Variants in NCKAP5 observed in about 807,000 individuals in gnomAD.
The protein encoded by NCKAP5 is NCK associated protein 5, also known as nck-associated protein 5.
Under a neutral mutation model 167.0 loss-of-function variants are expected in NCKAP5, and 92 were observed. The observed-to-expected ratio is 0.55, with a 90% confidence interval of 0.47 to 0.66. The LOEUF (loss-of-function observed/expected upper bound fraction) is 0.66, where lower values mean the gene tolerates loss of function less well. Ranked by LOEUF, NCKAP5 falls within the 30% of genes least tolerant of loss-of-function variation. The pLI is 0.00. For missense variants in NCKAP5, 2,378 were observed against 2,315.0 expected (o/e 1.03, Z -0.56); for synonymous variants, 891 against 877.4 (o/e 1.02, Z -0.27).
chr2:132,964,385 C>T (rs938699963), intron 7 of NCKAP5, among the ~76,000 whole-genome samples: 1 of 152,208 alleles, frequency 6.6e-6, no homozygotes, highest in African/African-American at 2.4e-5. Context: ...AATAATGACA[C>T]AACTTTTAAG....
At position 133,317,078 on chromosome 2, in the gene NCKAP5, G is replaced by A. The variant is rs75363115; in HGVS notation, c.70-13968C>T. On this transcript the variant is annotated intron_variant, in intron 3 of 19. Transcript: ENST00000409261. The stretch of plus-strand genomic sequence containing the variant: ...GGCCTCAGGAAATAAAGGATGGAGC[G>A]CCTGAAGAGACCTTCTCAGACCTAG... Among the ~76,000 whole-genome samples, 1,291 of 152,236 alleles carry A rather than the reference G, an allele frequency of 8.5e-3. 19 individuals are homozygous for A. The highest frequency in any genetic ancestry group is 0.048 in the East Asian group (248 of 5,164).
chr2:133,341,069 T>C (rs1253340503), intron 3 of NCKAP5, among the ~76,000 whole-genome samples: 1 of 152,184 alleles, frequency 6.6e-6, no homozygotes, highest in Non-Finnish European at 1.5e-5. Flanking sequence ...TCAATTCCAT[T>C]AATTCTATTT....
At chr2:132,743,718 T>C (rs1160830809) in intron 16 of NCKAP5, among the ~76,000 whole-genome samples, 2 of 151,594 alleles carry the variant, frequency 1.3e-5, no homozygotes, top group East Asian at 3.9e-4. Context: ...GTCTAAACAC[T>C]CCAATGAATA....
intron 19 of NCKAP5, among the ~76,000 whole-genome samples, chr2:132,708,743 T>C (rs1688583873): frequency 6.6e-6 from 1 of 152,228 alleles, no homozygotes. Context: ...AATGCCTTCT[T>C]ACGTCTTTCC....
chr2:133,637,699 T>C, the NCKAP5 span, among the ~76,000 whole-genome samples: 326 of 152,140 alleles, frequency 2.1e-3, 3 homozygotes, highest in African/African-American at 7.6e-3. Context: ...TCATAAAATG[T>C]AGCAAATAGA....
At chr2:133,535,933 C>T (rs765877918) in intron 2 of NCKAP5, among the ~76,000 whole-genome samples, 11 of 152,046 alleles carry the variant, frequency 7.2e-5, no homozygotes, top group African/African-American at 1.9e-4. Context: ...GTCACTTGTA[C>T]GTCTTCTTTT....
Position 133,450,768 on chromosome 2 carries a change from C to T in NCKAP5, c.69+66690G>A, listed in dbSNP as rs1691501502. Among the ~76,000 whole-genome samples, 3 of 152,148 alleles carry T rather than the reference C, an allele frequency of 2.0e-5. No individual in the cohort carries two copies. The South Asian group carries it at 6.2e-4, about 32-fold the overall frequency. The stretch of plus-strand genomic sequence containing the variant: ...TATGCCACAAAAACCTTCTGGTTGA[C>T]ATCAATCTTCCTTTGGGGACAATAA... On this transcript the variant is annotated intron_variant, in intron 3 of 19. Transcript: ENST00000409261.
intron 3 of NCKAP5, among the ~76,000 whole-genome samples, chr2:133,435,363 C>A (rs547587103): frequency 1.9e-4 from 29 of 152,268 alleles, no homozygotes; most frequent in African/African-American, 3.4e-4. Context: ...ATATCACTCA[C>A]CACTGAAATG....
Position 132,731,771 on chromosome 2 carries a change from A to G in NCKAP5, c.5409T>C (p.Pro1803=), listed in dbSNP as rs887997705. ...CTGGTTTGGGGAGGCGGCTCTGAAG[A>G]GGCCTCATCCCTCTGGCGGTCATGA... ...DPIMTARGMR[P]LQSRLPKPAS... is the part of the protein sequence containing the mutation. Residue 1803 remains proline (P), a synonymous_variant, in exon 17 of 20, where the codon CCT becomes CCC. Transcript: ENST00000409261. The G allele has an allele frequency of 1.2e-6, 2 of 1,608,490 alleles. No homozygotes were observed. The highest frequency in any genetic ancestry group is 2.2e-5 in the South Asian group (2 of 90,840).
At chr2:132,824,393 G>A (rs1002228381) in intron 11 of NCKAP5, among the ~76,000 whole-genome samples, 3 of 152,176 alleles carry the variant, frequency 2.0e-5, no homozygotes, top group African/African-American at 4.8e-5. Flanking sequence ...AAGAGGGGAT[G>A]AAGAACATCT....
intron 3 of NCKAP5, among the ~76,000 whole-genome samples, chr2:133,508,368 T>C (rs1437861409): frequency 1.3e-5 from 2 of 152,206 alleles, no homozygotes; most frequent in East Asian, 1.9e-4. Flanking sequence ...GAAGAACAAC[T>C]TCCTCTTTGT....
chr2:133,405,822 G>A (rs1386424279), intron 3 of NCKAP5, among the ~76,000 whole-genome samples: 1 of 152,220 alleles, frequency 6.6e-6, no homozygotes, highest in East Asian at 1.9e-4. Flanking sequence ...GTTATACCCT[G>A]CACAAACCCC....
At chr2:132,901,719 T>C (rs966755488) in intron 8 of NCKAP5, among the ~76,000 whole-genome samples, 16 of 152,298 alleles carry the variant, frequency 1.1e-4, no homozygotes, top group African/African-American at 3.8e-4. Context: ...AAGATGAAGA[T>C]TTTGGGGGAT....
At chr2:133,464,348 A>G (rs183362160) in intron 3 of NCKAP5, among the ~76,000 whole-genome samples, 1,655 of 152,360 alleles carry the variant, frequency 0.011, 16 homozygotes, top group Non-Finnish European at 0.017. Flanking sequence ...GGCACCTATC[A>G]TAGTACCTAG....
chr2:132,765,314 T>G (rs967118017), intron 16 of NCKAP5, among the ~76,000 whole-genome samples: 1 of 147,254 alleles, frequency 6.8e-6, no homozygotes, highest in Non-Finnish European at 1.5e-5. Context: ...CTTTCTTTTT[T>G]TTTTTTTTTT....
chr2:133,466,966 T>C (rs988517863), intron 3 of NCKAP5, among the ~76,000 whole-genome samples: 4 of 152,162 alleles, frequency 2.6e-5, no homozygotes, highest in Non-Finnish European at 5.9e-5. Context: ...CAGGGACAAT[T>C]TGACTTCCTC....
At chr2:133,667,003 A>AATCTTAATT in the NCKAP5 span, among the ~76,000 whole-genome samples, 55 of 152,138 alleles carry the variant, frequency 3.6e-4, no homozygotes, top group Middle Eastern at 3.4e-3. Context: ...AGAGGCATGC[A>AATCTTAATT]ATCTTAATTT....
chr2:132,823,485 T>C (rs1463611733), intron 11 of NCKAP5, among the ~76,000 whole-genome samples: 1 of 152,148 alleles, frequency 6.6e-6, no homozygotes, highest in Non-Finnish European at 1.5e-5. Flanking sequence ...AAAGTCTTTT[T>C]CAGATAAATA....
intron 4 of NCKAP5, chr2:133,267,556 C>A (rs957003299): frequency 1.3e-5 from 2 of 152,294 alleles, no homozygotes; most frequent in African/African-American, 4.8e-5. Context: ...TGGCCCTTGG[C>A]CTCCTGTTGG....
Sources: gnomAD v4.1 joint callset for allele counts (sites outside exome capture counted in the v4.1 genomes callset) on GRCh38, gnomAD v4.1.1 for gene constraint, MANE v1.5 for transcripts, NCBI Gene and HGNC (gene_info 2026-07-23, HGNC 2026-07-21) for gene names.